Variants in CRACDL observed in about 807,000 individuals in gnomAD.
The protein encoded by CRACDL is CRACD-like protein.
CRACDL carries 26 observed loss-of-function variants against 70.6 expected under a neutral mutation model. The observed-to-expected ratio is 0.37, with a 90% CI of 0.27 to 0.51. CRACDL has a LOEUF of 0.51. Among genes scored for constraint, CRACDL ranks in the 20% least tolerant of loss-of-function variants. CRACDL has a pLI of 0.94. For missense variants in CRACDL, 1,283 were observed against 1,376.9 expected, an observed-to-expected ratio of 0.93 and a Z score of 1.08; for synonymous variants, 618 against 615.2, an observed-to-expected ratio of 1.00 and a Z score of -0.07.
chr2:98,823,634 T>C lies in CRACDL; in HGVS notation c.736-97A>G. On this transcript the variant is annotated intron_variant, in intron 6 of 9. Coordinates refer to ENST00000397899, the MANE Select transcript of CRACDL (RefSeq NM_207362.3). The surrounding 1 kb of genome is among the most constrained non-coding windows in gnomAD (Gnocchi z 4.0). ...TTCAAGGCTTATAATGGTTTAGTGATAGCAGCACTATAAAGCTGGCACTTA... is the reference window on the plus strand; with the variant it reads ...TTCAAGGCTTATAATGGTTTAGTGACAGCAGCACTATAAAGCTGGCACTTA... The C allele has an allele frequency of 6.9e-7, 1 of 1,439,248 alleles. No homozygotes were observed. Among genetic ancestry groups the C allele is most frequent in the East Asian group, 2.5e-5 (1 of 40,446 alleles). 89.2% of individuals were successfully genotyped at this position (1,439,248 alleles called of 1,614,324 possible).
chr2:98,889,697 T>C (rs1253601088), intron 1 of CRACDL, among the ~76,000 whole-genome samples: 2 of 152,220 alleles, frequency 1.3e-5, no homozygotes, highest in African/African-American at 4.8e-5. Context: ...CATCCAGTAA[T>C]AGCAGAATTC....
At chr2:98,889,326 A>AGAAAGAAAGAAAGAAG (rs1707899062) in intron 1 of CRACDL, among the ~76,000 whole-genome samples, 1 of 103,410 alleles carries the variant, frequency 9.7e-6, no homozygotes, top group Non-Finnish European at 2.0e-5. Context: ...AAAGAAAGAA[A>AGAAAGAAAGAAAGAAG]GAAAGAAAGA....
At chr2:98,849,874 A>T (rs12992214) in intron 1 of CRACDL, among the ~76,000 whole-genome samples, 63,176 of 152,026 alleles carry the variant, frequency 0.42, 14,048 homozygotes, top group African/African-American at 0.57. Flanking sequence ...CCGGGGTGGC[A>T]TCTTCACCCT....
Position 98,879,006 on chromosome 2 carries a change from C to A in CRACDL, c.-10-32196G>T, listed in dbSNP as rs550876307. ...CTCTGGCCTGGCCCAGTGCACCTCA[C>A]CTCCAGCCATTACCACCACCCTGGC... On this transcript the variant is annotated intron_variant, in intron 1 of 9. Coordinates refer to ENST00000397899, the MANE Select transcript of CRACDL (RefSeq NM_207362.3). 4.7e-3 allele frequency among the ~76,000 whole-genome samples: 711 copies of A among 152,316 alleles called. 1 individual carries two copies. The highest frequency in any genetic ancestry group is 0.015 in the African/African-American group (629 of 41,554).
rs144726370 is a variant in CRACDL at position 98,906,932 on chromosome 2, G to A, written c.-11+29006C>T. Among the ~76,000 whole-genome samples, 826 of 152,190 alleles carry A rather than the reference G, an allele frequency of 5.4e-3. 34 individuals carry two copies. The highest frequency in any genetic ancestry group is 0.05 in the Admixed American group (764 of 15,278). Reference sequence around the variant, plus strand: ...AGCAGTCTTATTCCTAATGTATGACGTTTCTGTGATCTCAGATTCAATGTT... The same window carrying A: ...AGCAGTCTTATTCCTAATGTATGACATTTCTGTGATCTCAGATTCAATGTT... On this transcript the variant is annotated intron_variant, in intron 1 of 9. Coordinates refer to ENST00000397899, the MANE Select transcript of CRACDL (RefSeq NM_207362.3).
chr2:98,918,857 GT>G (rs1428596645), intron 1 of CRACDL, among the ~76,000 whole-genome samples: 1 of 152,142 alleles, frequency 6.6e-6, no homozygotes, highest in Non-Finnish European at 1.5e-5. Flanking sequence ...TACATAGTTT[GT>G]AAATATTTTC....
At chr2:98,869,754 T>G (rs1245214985) in intron 1 of CRACDL, among the ~76,000 whole-genome samples, 1 of 152,236 alleles carries the variant, frequency 6.6e-6, no homozygotes, top group East Asian at 1.9e-4. Context: ...CGCTCGTCTC[T>G]GCGCTGCACA....
intron 1 of CRACDL, among the ~76,000 whole-genome samples, chr2:98,880,696 C>T (rs1051240141): frequency 5.3e-5 from 8 of 152,158 alleles, no homozygotes; most frequent in Non-Finnish European, 8.8e-5. Flanking sequence ...AGGTCTCCTC[C>T]CACACCTGCA....
chr2:98,817,918 T>A (rs6732017), intron 7 of CRACDL, among the ~76,000 whole-genome samples: 50,421 of 151,666 alleles, frequency 0.33, 8,637 homozygotes, highest in African/African-American at 0.4. Context: ...GTAAAAAAAA[T>A]AAATCTCATA....
At chr2:98,796,047 C>G in intron 9 of CRACDL, 73 bp downstream of exon 9, 1 of 1,518,286 alleles carries the variant, frequency 6.6e-7, no homozygotes, top group South Asian at 1.1e-5. Context: ...CCAAACCAAA[C>G]CAAAACTCAA....
At chr2:98,869,370 G>A (rs1190799248) in intron 1 of CRACDL, 8 of 938,502 alleles carry the variant, frequency 8.5e-6, no homozygotes, top group South Asian at 3.7e-5. Flanking sequence ...AGAAAAGGCC[G>A]TCTAAGAAAC....
intron 7 of CRACDL, among the ~76,000 whole-genome samples, chr2:98,819,622 T>A (rs1704937596): frequency 6.6e-6 from 1 of 152,174 alleles, no homozygotes; most frequent in Non-Finnish European, 1.5e-5. Context: ...TGTGTCACGT[T>A]AGGAATTTAA....
In CRACDL at chr2:98,797,405, G is replaced by A; in HGVS notation, c.2549C>T (p.Ala850Val). Residue 850 changes from alanine to valine, a missense_variant, in exon 8 of 10, where the codon GCA becomes GTA. Ala to Val is a moderately conservative substitution (Grantham distance 64). Around this residue, in one of 2 missense-constraint regions of CRACDL, gnomAD observed 921 missense variants for 881.9 expected, o/e 1.04. Transcript: ENST00000397899. ...QPPNQEDKPG[A>V]RTLKSEPGKQ... ...TCCTGGTTCAGACTTCAGGGTCCGT[G>A]CCCCAGGCTTGTCTTCCTGGTTGGG... 1 of 1,614,196 alleles carries A rather than the reference G, an allele frequency of 6.2e-7. No homozygotes were observed. The highest frequency in any genetic ancestry group is 8.5e-7 in the Non-Finnish European group (1 of 1,180,034).
chr2:98,863,101 T>C (rs2104576894), intron 1 of CRACDL, among the ~76,000 whole-genome samples: 1 of 152,176 alleles, frequency 6.6e-6, no homozygotes, highest in African/African-American at 2.4e-5. Flanking sequence ...ACAAGACACA[T>C]TATAATCAAA....
intron 6 of CRACDL, 68 bp downstream of exon 6, chr2:98,826,907 G>T (rs1223548387): frequency 3.0e-6 from 3 of 1,008,966 alleles, no homozygotes; most frequent in Admixed American, 5.3e-5. Context: ...GAGGCAGGTT[G>T]GGGGGGGGCA....
chr2:98,909,787 G>T (rs1708500610), intron 1 of CRACDL, among the ~76,000 whole-genome samples: 1 of 152,110 alleles, frequency 6.6e-6, no homozygotes, highest in African/African-American at 2.4e-5. Flanking sequence ...GGAGAATCTT[G>T]TTCCTCTGCC....
At position 98,794,463 on chromosome 2, in the gene CRACDL, A is replaced by G. The variant is rs556671624; in HGVS notation, c.*69T>C. 12 of 1,362,660 alleles carry G rather than the reference A, an allele frequency of 8.8e-6. 1 individual carries two copies. The South Asian group carries it at 1.5e-4, about 17-fold the overall frequency. The allele number at this position is 1,362,660 out of a possible 1,614,324, so 84.4% of individuals were successfully genotyped here. On this transcript the variant is annotated 3_prime_UTR_variant, in exon 10 of 10. Transcript: ENST00000397899. ...TAAGTTTCACAGTTTGTTTGCCACA[A>G]TACACTGGCAGTTTTTAACTAAGTG... is the stretch of plus-strand genomic sequence containing the variant.
chr2:98,916,749 A>G (rs1708676145), intron 1 of CRACDL, among the ~76,000 whole-genome samples: 1 of 152,030 alleles, frequency 6.6e-6, no homozygotes, highest in African/African-American at 2.4e-5. Context: ...AGAGGAGGTG[A>G]AGACAGCAGC....
chr2:98,882,572 G>A (rs1707680901), intron 1 of CRACDL, among the ~76,000 whole-genome samples: 3 of 152,232 alleles, frequency 2.0e-5, no homozygotes, highest in Admixed American at 2.0e-4. Flanking sequence ...ACTCTGTTGG[G>A]AGTCCTGGAT....
Sources: allele counts gnomAD v4.1 joint callset (sites outside exome capture counted in the v4.1 genomes callset), GRCh38; gene constraint gnomAD v4.1.1; regional missense constraint gnomAD v4.1.1; non-coding constraint Gnocchi (gnomAD v3.1); transcripts MANE v1.5; gene names NCBI Gene and HGNC (gene_info 2026-07-23, HGNC 2026-07-21).